Variants in NRXN1 observed in about 807,000 individuals in gnomAD.
NRXN1 encodes neurexin-1.
A neutral mutation model predicts 150.9 loss-of-function variants in NRXN1; 39 were observed. That is an observed-to-expected ratio of 0.26 (90% CI 0.20 to 0.34). The LOEUF is 0.34. NRXN1 is among the 10% of genes least tolerant of loss of function. The pLI, the probability that NRXN1 is intolerant of heterozygous loss-of-function variation, is 1.00. For missense variants in NRXN1, 1,815 were observed against 1,949.9 expected, an observed-to-expected ratio of 0.93 and a Z score of 1.30; for synonymous variants, 924 against 757.0, an observed-to-expected ratio of 1.22 and a Z score of -3.62.
At chr2:50,507,284 G>A (rs79486473) in intron 12 of NRXN1, among the ~76,000 whole-genome samples, 33 of 151,856 alleles carry the variant, frequency 2.2e-4, no homozygotes, top group Non-Finnish European at 2.9e-4. Context: ...TGACCTGTAC[G>A]TCACAAATCT....
intron 21 of NRXN1, among the ~76,000 whole-genome samples, chr2:49,963,243 G>A (rs1259101756): frequency 2.6e-5 from 4 of 152,080 alleles, no homozygotes; most frequent in South Asian, 2.1e-4. Flanking sequence ...CCATGTGGTC[G>A]AAAAATAATG....
chr2:50,739,178 C>A, intron 5 of NRXN1: 2 of 382,758 alleles, frequency 5.2e-6, no homozygotes, highest in South Asian at 2.0e-5. Flanking sequence ...CTTACAAATC[C>A]TTATGATTAT....
chr2:50,570,263 C>G (rs79895140), intron 8 of NRXN1, among the ~76,000 whole-genome samples: 2 of 148,578 alleles, frequency 1.3e-5, no homozygotes, highest in Non-Finnish European at 3.0e-5. Context: ...GTACTGGGGG[C>G]GGGGGGAAGA....
At chr2:51,031,845 C>T (rs946244363) in intron 1 of NRXN1, 136 bp downstream of exon 1, 1 of 152,198 alleles carries the variant, frequency 6.6e-6, no homozygotes, top group African/African-American at 2.4e-5. Context: ...AAGATCTACA[C>T]TCCTCCACCC....
chr2:50,520,342 G>A (rs956386045), intron 12 of NRXN1, among the ~76,000 whole-genome samples: 1 of 151,704 alleles, frequency 6.6e-6, no homozygotes, highest in Non-Finnish European at 1.5e-5. Context: ...ATATGATCTA[G>A]TGTAGCTTTA....
intron 21 of NRXN1, among the ~76,000 whole-genome samples, chr2:49,952,694 G>A (rs542224668): frequency 1.3e-5 from 2 of 152,048 alleles, no homozygotes; most frequent in African/African-American, 4.8e-5. Flanking sequence ...AGGCTATGCT[G>A]GCTACAAAAT....
chr2:49,921,769 G>A lies in NRXN1; in HGVS notation c.*175C>T. ...TTTTTGTTTTTTGTTTTTCTTTTTT[G>A]AGAAACAAGAGCATGAGATACTTGT... On this transcript the variant is annotated 3_prime_UTR_variant, in exon 23 of 23. Coordinates refer to ENST00000401669, the MANE Select transcript of NRXN1 (RefSeq NM_001330078.2). 1 of 674,948 alleles carries A rather than the reference G, an allele frequency of 1.5e-6. No individual in the cohort carries two copies. Among genetic ancestry groups the A allele is most frequent in the Non-Finnish European group, 2.4e-6 (1 of 419,508 alleles). The allele number at this position is 674,948 out of a possible 1,614,324, so 41.8% of individuals were successfully genotyped here.
intron 17 of NRXN1, among the ~76,000 whole-genome samples, chr2:50,267,750 C>T (rs942481670): frequency 6.6e-5 from 10 of 152,154 alleles, no homozygotes; most frequent in East Asian, 1.9e-4. Flanking sequence ...TAGAAGTAAC[C>T]GTTGTATAAA....
At chr2:50,083,778 G>A (rs565061960) in intron 19 of NRXN1, among the ~76,000 whole-genome samples, 2 of 151,810 alleles carry the variant, frequency 1.3e-5, no homozygotes, top group Non-Finnish European at 2.9e-5. Context: ...AGACACAAAC[G>A]TTCTCCACCT....
intron 17 of NRXN1, among the ~76,000 whole-genome samples, chr2:50,333,344 T>G (rs559026031): frequency 1.3e-5 from 2 of 152,288 alleles, no homozygotes; most frequent in South Asian, 4.2e-4. Context: ...TCTTCCATAT[T>G]TAATTTACAG....
chr2:50,986,118 T>G (rs1697661993), intron 2 of NRXN1, among the ~76,000 whole-genome samples: 1 of 151,758 alleles, frequency 6.6e-6, no homozygotes, highest in Non-Finnish European at 1.5e-5. Context: ...ACAGTTAACT[T>G]TCATTTCCAT....
At chr2:50,692,141 T>C (rs1343306892) in intron 5 of NRXN1, among the ~76,000 whole-genome samples, 3 of 152,110 alleles carry the variant, frequency 2.0e-5, no homozygotes, top group Non-Finnish European at 4.4e-5. Context: ...CAAGTAAGCC[T>C]AGTTAACAAA....
At chr2:50,695,309 G>GAATTAA (rs1413420059) in intron 5 of NRXN1, among the ~76,000 whole-genome samples, 1 of 152,122 alleles carries the variant, frequency 6.6e-6, no homozygotes, top group African/African-American at 2.4e-5. Context: ...AGACTCACAT[G>GAATTAA]AATTAAAGAT....
At chr2:50,472,628 A>G (rs2089610593) in intron 15 of NRXN1, among the ~76,000 whole-genome samples, 157 bp from the exon 16 acceptor site, 1 of 150,230 alleles carries the variant, frequency 6.7e-6, no homozygotes, top group Non-Finnish European at 1.5e-5. Flanking sequence ...AACAATAGAG[A>G]CGTTTGAATA....
intron 2 of NRXN1, 22 bp downstream of exon 2, chr2:51,027,462 CCCAGGCCCCGGCCCCCGT>C: frequency 1.3e-6 from 2 of 1,483,262 alleles, no homozygotes; most frequent in Non-Finnish European, 1.8e-6. Context: ...CCGAGCCCCG[CCCAGGCCCCGGCCCCCGT>C]GGGTCGGGCG....
At chr2:49,939,223 T>C (rs1344863311) in intron 22 of NRXN1, among the ~76,000 whole-genome samples, 1 of 152,206 alleles carries the variant, frequency 6.6e-6, no homozygotes, top group Non-Finnish European at 1.5e-5. Flanking sequence ...AATCACAATT[T>C]TTTTCTCTAG....
At chr2:50,373,793 A>G (rs999201922) in intron 17 of NRXN1, among the ~76,000 whole-genome samples, 3 of 152,234 alleles carry the variant, frequency 2.0e-5, no homozygotes, top group Admixed American at 6.5e-5. Flanking sequence ...TGAGGATGGT[A>G]TTAAAATCAT....
In NRXN1 at chr2:51,027,952, G is replaced by T. The variant is rs199784029; in HGVS notation, c.322C>A (p.Pro108Thr). The stretch of plus-strand genomic sequence containing the variant: ...CTGTGCCAGGCGCCGTCGTTAACCG[G>T]CGTGTCGGCCAGGAGCGTCGCAGGC... ...AEPATLLADTPVNDGAWHSVR... is the reference protein window; with the variant it reads ...AEPATLLADTTVNDGAWHSVR... The change falls in exon 2 of 23, where the codon CCG (proline) becomes ACG (threonine). Residue 108 changes from proline to threonine, a missense_variant. Physicochemically the swap from Pro to Thr is conservative, Grantham distance 38. Transcript: ENST00000401669. 6.2e-7 allele frequency: 1 copy of T among 1,603,282 alleles called. No homozygotes were observed. The highest frequency in any genetic ancestry group is 1.7e-5 in the Admixed American group (1 of 59,976).
At position 50,655,747 on chromosome 2, in the gene NRXN1, C is replaced by T. The variant is rs547568559; in HGVS notation, c.833-32132G>A. Among the ~76,000 whole-genome samples, 2 of 151,900 alleles carry T rather than the reference C, an allele frequency of 1.3e-5. 1 individual carries two copies. The highest frequency in any genetic ancestry group is 4.8e-5 in the African/African-American group (2 of 41,442). On this transcript the variant is annotated intron_variant, in intron 5 of 22. Transcript: ENST00000401669. ...ACTGGGACATCATCACTGGCCTACC[C>T]ACCACATAAACGTAACTAGTGTATA...
Sources: allele counts gnomAD v4.1 joint callset (sites outside exome capture counted in the v4.1 genomes callset), GRCh38; gene constraint gnomAD v4.1.1; transcripts MANE v1.5; gene names NCBI Gene and HGNC (gene_info 2026-07-23, HGNC 2026-07-21).